SPAG17: variants seen among roughly 807,000 people sequenced by gnomAD.
The protein encoded by SPAG17 is sperm associated antigen 17.
A neutral mutation model predicts 273.6 loss-of-function variants in SPAG17; 169 were observed. The observed-to-expected ratio is 0.62, with a 90% CI of 0.55 to 0.70. The LOEUF is 0.70. Ranked by LOEUF, SPAG17 falls within the 30% of genes least tolerant of loss-of-function variation. The pLI, the probability that SPAG17 is intolerant of heterozygous loss-of-function variation, is 0.00. For synonymous variants in SPAG17, 825 were observed against 873.2 expected (o/e 0.94, Z 0.97); for missense variants, 2,557 against 2,627.8 (o/e 0.97, Z 0.59).
chr1:118,047,183 T>C (rs2101958544), intron 20 of SPAG17, among the ~76,000 whole-genome samples: 1 of 152,308 alleles, frequency 6.6e-6, no homozygotes, highest in East Asian at 1.9e-4. Flanking sequence ...TGTCTACACC[T>C]GCACTTCCTC....
chr1:118,143,423 T>A (rs1343255129), intron 3 of SPAG17, among the ~76,000 whole-genome samples: 1 of 152,134 alleles, frequency 6.6e-6, no homozygotes, highest in African/African-American at 2.4e-5. Flanking sequence ...GTTAGCCAGG[T>A]GCAGTGGTTT....
intron 1 of SPAG17, among the ~76,000 whole-genome samples, chr1:118,161,619 G>A (rs1383418045): frequency 2.0e-5 from 3 of 151,984 alleles, no homozygotes; most frequent in Non-Finnish European, 4.4e-5. Context: ...CACACTGCAA[G>A]CTCCGCCTCC....
Position 118,066,741 on chromosome 1 carries a change from T to A in SPAG17, c.2540+4A>T. ...TAATTAACTAAACTTTCCAAATTTG[T>A]TACCTGAATCCAACATTGGAGTGGA... is the stretch of plus-strand genomic sequence containing the variant. On this transcript the variant is annotated splice_donor_region_variant and intron_variant, in intron 18 of 48. Transcript: ENST00000336338. 6.2e-7 allele frequency: 1 copy of A among 1,604,094 alleles called. No homozygotes were observed. The highest frequency in any genetic ancestry group is 8.5e-7 in the Non-Finnish European group (1 of 1,176,898).
At chr1:118,069,661 A>T (rs933425128) in intron 17 of SPAG17, among the ~76,000 whole-genome samples, 1 of 152,224 alleles carries the variant, frequency 6.6e-6, no homozygotes, top group Non-Finnish European at 1.5e-5. Flanking sequence ...GAGAGAGATA[A>T]TTTAAAAGAT....
At chr1:117,997,277 G>A (rs1657763750) in intron 32 of SPAG17, among the ~76,000 whole-genome samples, 1 of 152,032 alleles carries the variant, frequency 6.6e-6, no homozygotes, top group African/African-American at 2.4e-5. Flanking sequence ...GATTCATGCT[G>A]CAAGACCACT....
At chr1:117,981,155 C>A (rs1308470765) in intron 43 of SPAG17, 115 bp downstream of exon 43, 9 of 1,119,046 alleles carry the variant, frequency 8.0e-6, no homozygotes, top group Admixed American at 3.0e-5. Flanking sequence ...GGATCCGTGA[C>A]CCTCTCGATT....
chr1:118,159,046 C>G (rs1231871754), intron 1 of SPAG17, among the ~76,000 whole-genome samples: 1 of 152,216 alleles, frequency 6.6e-6, no homozygotes, highest in African/African-American at 2.4e-5. Context: ...CTAAAGAGAA[C>G]TTTTACACAT....
intron 1 of SPAG17, among the ~76,000 whole-genome samples, chr1:118,155,857 A>G (rs546454957): frequency 2.0e-5 from 3 of 152,328 alleles, no homozygotes; most frequent in South Asian, 2.1e-4. Flanking sequence ...TTTTCCTTCA[A>G]AAAAAGTCTT....
At chr1:118,002,803 T>C (rs191918635) in intron 32 of SPAG17, among the ~76,000 whole-genome samples, 50 of 152,342 alleles carry the variant, frequency 3.3e-4, no homozygotes, top group African/African-American at 1.2e-3. Context: ...TGTCTTTTAA[T>C]TGGGGCATTT....
intron 4 of SPAG17, among the ~76,000 whole-genome samples, chr1:118,107,243 C>G (rs1264849339): frequency 6.6e-6 from 1 of 152,074 alleles, no homozygotes; most frequent in East Asian, 1.9e-4. Flanking sequence ...CTCCTGATTT[C>G]TCCATACCTG....
rs867438151 is a variant in SPAG17, at chr1:118,164,482, T to C, written c.88-13113A>G. 8.5e-5 allele frequency among the ~76,000 whole-genome samples: 13 copies of C among 152,244 alleles called. No individual in the cohort carries two copies. In the East Asian group the frequency reaches 1.9e-3, roughly 23 times the overall value. ...TCCTCCCCCATTATTCTCTCAGATA[T>C]GCAATCACAGTTGCCCTCTTCCAAG... On this transcript the variant is annotated intron_variant, in intron 1 of 48. Coordinates refer to ENST00000336338, the MANE Select transcript of SPAG17 (RefSeq NM_206996.4).
At chr1:118,136,832 T>TGTGTGTGTGTGTGTG (rs1558037921) in intron 3 of SPAG17, among the ~76,000 whole-genome samples, 1 of 150,038 alleles carries the variant, frequency 6.7e-6, no homozygotes, top group Non-Finnish European at 1.5e-5. Context: ...TGTGTGTGTG[T>TGTGTGTGTGTGTGTG]TTTTAATGAT....
At chr1:118,039,961 G>A (rs990357281) in intron 22 of SPAG17, among the ~76,000 whole-genome samples, 5 of 152,136 alleles carry the variant, frequency 3.3e-5, no homozygotes, top group Admixed American at 6.6e-5. Flanking sequence ...AATTTCAGAA[G>A]AGAAAATGAA....
At chr1:118,009,407 A>G (rs1174265649) in intron 30 of SPAG17, among the ~76,000 whole-genome samples, 1 of 152,166 alleles carries the variant, frequency 6.6e-6, no homozygotes, top group Non-Finnish European at 1.5e-5. Flanking sequence ...ACATTAAGGA[A>G]AGGGAACTCA....
chr1:118,159,736 A>G (rs969956759), intron 1 of SPAG17, among the ~76,000 whole-genome samples: 8 of 152,106 alleles, frequency 5.3e-5, no homozygotes, highest in African/African-American at 1.9e-4. Flanking sequence ...CATCCCACCA[A>G]TCTAGCACAT....
At chr1:117,967,951 A>G (rs1194279191) in intron 46 of SPAG17, among the ~76,000 whole-genome samples, 11 of 152,238 alleles carry the variant, frequency 7.2e-5, no homozygotes. Context: ...GAATTGGAAA[A>G]TGTTTCACAG....
chr1:117,999,045 T>G (rs964445623), intron 32 of SPAG17, among the ~76,000 whole-genome samples: 11 of 151,724 alleles, frequency 7.3e-5, no homozygotes, highest in Non-Finnish European at 1.3e-4. Context: ...GTGTTCTCAT[T>G]GTTCAATTCC....
chr1:118,053,981 A>T (rs775116801), intron 20 of SPAG17, 21 bp downstream of exon 20: 1 of 1,576,208 alleles, frequency 6.3e-7, no homozygotes, highest in Non-Finnish European at 8.7e-7. Context: ...TGTTTTTTAA[A>T]CTTTATGTAA....
At chr1:118,123,261 T>C (rs1170488967) in intron 3 of SPAG17, among the ~76,000 whole-genome samples, 3 of 152,180 alleles carry the variant, frequency 2.0e-5, no homozygotes, top group Non-Finnish European at 4.4e-5. Context: ...TGATCCTGTA[T>C]GTGTCTAGTC....
Sources: allele counts gnomAD v4.1 joint callset (sites outside exome capture counted in the v4.1 genomes callset), GRCh38; gene constraint gnomAD v4.1.1; transcripts MANE v1.5; gene names NCBI Gene and HGNC (gene_info 2026-07-23, HGNC 2026-07-21).